TRPM2: variants seen among roughly 807,000 people sequenced by gnomAD.
TRPM2 encodes estrogen-responsive element-associated gene 1 protein.
In TRPM2, 161 loss-of-function variants were observed where a neutral mutation model predicts 174.0. The ratio of observed to expected loss-of-function variants is 0.93; its 90% confidence interval spans 0.81 to 1.05. The LOEUF is 1.05. TRPM2 is among the 50% of genes least tolerant of loss of function. TRPM2 has a pLI of 0.00. For missense variants in TRPM2, 2,057 were observed against 2,038.0 expected (o/e 1.01, Z -0.18); for synonymous variants, 954 against 861.3 (o/e 1.11, Z -1.88).
chr21:44,418,405 G>T lies in TRPM2; in HGVS notation c.3329-18G>T. The T allele has an allele frequency of 6.2e-7, 1 of 1,613,146 alleles. No homozygotes were observed. Among genetic ancestry groups the T allele is most frequent in the Non-Finnish European group, 8.5e-7 (1 of 1,179,384 alleles). On this transcript the variant is annotated intron_variant, in intron 21 of 31. Transcript: ENST00000397928. ...CTGAGGATTCCAGGTCCCCTGGTCT[G>T]TCCGCCCACCCTGACAGAGAACAAG...
At chr21:44,434,957 G>C (rs1182776727) in intron 27 of TRPM2, among the ~76,000 whole-genome samples, 174 bp from the exon 28 acceptor site, 1 of 152,042 alleles carries the variant, frequency 6.6e-6, no homozygotes, top group African/African-American at 2.4e-5. Context: ...CACTCCTTGG[G>C]GGTCCCAAAG....
intron 28 of TRPM2, among the ~76,000 whole-genome samples, chr21:44,436,129 T>C (rs759529570): frequency 9.2e-5 from 14 of 151,980 alleles, no homozygotes; most frequent in Non-Finnish European, 1.8e-4. Flanking sequence ...TCAGGCTCAC[T>C]CCTCTGCACT....
intron 12 of TRPM2, among the ~76,000 whole-genome samples, chr21:44,397,033 A>G (rs1230986047): frequency 6.7e-6 from 1 of 149,342 alleles, no homozygotes; most frequent in Non-Finnish European, 1.5e-5. Flanking sequence ...AGCTCTAGGC[A>G]GGAAAGGAAT....
chr21:44,436,060 C>T (rs1410453881), intron 28 of TRPM2, among the ~76,000 whole-genome samples: 1 of 151,828 alleles, frequency 6.6e-6, no homozygotes, highest in Non-Finnish European at 1.5e-5. Context: ...CAACCCCCAC[C>T]ACAGGCTCAT....
intron 5 of TRPM2, among the ~76,000 whole-genome samples, chr21:44,374,361 A>T (rs1171476668): frequency 2.6e-5 from 4 of 152,146 alleles, no homozygotes; most frequent in African/African-American, 7.2e-5. Context: ...GGCACCAGGA[A>T]CTGGTTTCGT....
intron 19 of TRPM2, among the ~76,000 whole-genome samples, chr21:44,411,594 C>G (rs766174314): frequency 4.7e-4 from 72 of 152,074 alleles, no homozygotes; most frequent in Non-Finnish European, 1.3e-4. Context: ...GCCTAAGTGC[C>G]CTGGCTAGAA....
At chr21:44,436,370 C>T (rs1324676618) in intron 28 of TRPM2, among the ~76,000 whole-genome samples, 1 of 152,090 alleles carries the variant, frequency 6.6e-6, no homozygotes, top group Non-Finnish European at 1.5e-5. Context: ...CCTCTTGCTG[C>T]CCAGCCACTC....
intron 2 of TRPM2, among the ~76,000 whole-genome samples, chr21:44,362,335 T>A (rs181775045): frequency 1.2e-4 from 11 of 95,054 alleles, no homozygotes; most frequent in African/African-American, 5.1e-4. Flanking sequence ...AAACCCCGTC[T>A]CTACTAAAAA....
Position 44,376,904 on chromosome 21 carries a change from G to A in TRPM2, c.953-808G>A, listed in dbSNP as rs150314518. Among the ~76,000 whole-genome samples, 6 of 151,784 alleles carry A rather than the reference G, an allele frequency of 4.0e-5. No homozygotes were observed. The highest frequency in any genetic ancestry group is 1.5e-4 in the African/African-American group (6 of 41,222). On this transcript the variant is annotated intron_variant, in intron 6 of 31. Coordinates refer to ENST00000397928, the MANE Select transcript of TRPM2 (RefSeq NM_003307.4). This position sits in a 1 kb window ranked among gnomAD's most constrained non-coding sequence, Gnocchi z 4.2. ...ATTAGGAGCACGTTCCCTGGTGAGGGCGATGCTGCAGTTCAGGGACCAGGG... is the reference window on the plus strand; with the variant it reads ...ATTAGGAGCACGTTCCCTGGTGAGGACGATGCTGCAGTTCAGGGACCAGGG...
At chr21:44,414,180 G>A (rs2050199630) in intron 20 of TRPM2, 106 bp downstream of exon 20, 2 of 1,412,036 alleles carry the variant, frequency 1.4e-6, no homozygotes, top group Non-Finnish European at 1.9e-6. Flanking sequence ...TGGATGATGG[G>A]CTGGTGCACA....
chr21:44,365,084 G>A (rs2048321696), intron 3 of TRPM2, among the ~76,000 whole-genome samples: 1 of 150,814 alleles, frequency 6.6e-6, no homozygotes, highest in African/African-American at 2.5e-5. Context: ...GTGTTGACCA[G>A]CCTTCTGGAG....
At position 44,400,206 on chromosome 21, in the gene TRPM2, C is replaced by A. The variant is rs544724276; in HGVS notation, c.2209-53C>A. On this transcript the variant is annotated intron_variant, in intron 14 of 31. Transcript: ENST00000397928. ...TCCTCAGCAGACAGCTGACGGGCAC[C>A]ATCTGGGGCACAGGGCTGGGCACTG... The A allele has an allele frequency of 1.6e-3, 2,333 of 1,502,020 alleles. 9 individuals carry two copies. Among genetic ancestry groups the A allele is most frequent in the Middle Eastern group, 3.9e-3 (22 of 5,638 alleles). The allele number at this position is 1,502,020 out of a possible 1,614,324, so 93.0% of individuals were successfully genotyped here.
At chr21:44,378,059 G>A (rs1428204235) in intron 7 of TRPM2, among the ~76,000 whole-genome samples, 1 of 152,196 alleles carries the variant, frequency 6.6e-6, no homozygotes, top group East Asian at 1.9e-4. Flanking sequence ...AGTGAGTGGG[G>A]CGCCTCTGCT....
Position 44,354,849 on chromosome 21 carries a change from C to A in TRPM2, c.254+113C>A, listed in dbSNP as rs953936471. 3.0e-5 allele frequency: 27 copies of A among 892,856 alleles called. No homozygotes were observed. Among genetic ancestry groups the A allele is most frequent in the Admixed American group, 3.0e-4 (16 of 53,992 alleles). The allele number at this position is 892,856 out of a possible 1,614,324, so 55.3% of individuals were successfully genotyped here. On this transcript the variant is annotated intron_variant, in intron 2 of 31. Transcript: ENST00000397928. This position sits in a 1 kb window ranked among gnomAD's most constrained non-coding sequence, Gnocchi z 4.3. ...CCTCAGTGAAGGGTCACTGGAGATA[C>A]CTCTGTCTCCATACGAGGCTTAGAG...
chr21:44,394,844 G>T (rs998024265), intron 11 of TRPM2, among the ~76,000 whole-genome samples: 14 of 151,998 alleles, frequency 9.2e-5, no homozygotes, highest in East Asian at 5.8e-4. Context: ...GTGGGAGATG[G>T]TTTTTTTTCT....
At position 44,400,390 on chromosome 21, in the gene TRPM2, G is replaced by A. The variant is rs371529712; in HGVS notation, c.2321+19G>A. ...CCTTCAGGTGCTGCAGGGCTGCGGG[G>A]CTGCGGGACTGTGGGGCTGCGGGGC... On this transcript the variant is annotated intron_variant, in intron 15 of 31. Coordinates refer to ENST00000397928, the MANE Select transcript of TRPM2 (RefSeq NM_003307.4). 7.5e-6 allele frequency: 12 copies of A among 1,592,024 alleles called. No individual in the cohort carries two copies. In the South Asian group the frequency reaches 1.1e-4, roughly 15 times the overall value.
rs45522631 is a variant in TRPM2 at position 44,414,320 on chromosome 21, G to A, written c.3146+246G>A. On this transcript the variant is annotated intron_variant, in intron 20 of 31. Transcript: ENST00000397928. ...CTGTCCTTGTGGCTGCTGGGGACCCGCGGTGCTGTGGATCCACAAGGGCCC... is the reference window on the plus strand; with the variant it reads ...CTGTCCTTGTGGCTGCTGGGGACCCACGGTGCTGTGGATCCACAAGGGCCC... Among the ~76,000 whole-genome samples, 561 of 152,364 alleles carry A rather than the reference G, an allele frequency of 3.7e-3. 6 individuals carry two copies. The highest frequency in any genetic ancestry group is 0.013 in the African/African-American group (534 of 41,592).
rs1000476372 is a variant in TRPM2 at position 44,435,045 on chromosome 21, C to T, written c.3975-86C>T. On this transcript the variant is annotated intron_variant, in intron 27 of 31. Transcript: ENST00000397928. The stretch of plus-strand genomic sequence containing the variant: ...CCGCTGTGCGCCGGCTCCTGACGCC[C>T]GCTGTCCCCTCTCAGTCCCCCTCCC... The T allele has an allele frequency of 3.1e-5, 42 of 1,376,290 alleles. No individual in the cohort carries two copies. In the Admixed American group the frequency reaches 4.5e-4, roughly 15 times the overall value. 85.3% of individuals were successfully genotyped at this position (1,376,290 alleles called of 1,614,324 possible).
At chr21:44,390,066 G>T (rs1240032216) in intron 9 of TRPM2, among the ~76,000 whole-genome samples, 2 of 151,956 alleles carry the variant, frequency 1.3e-5, no homozygotes. Context: ...TAAAGACAGG[G>T]TTTCGCCGTG....
Sources: gnomAD v4.1 joint callset for allele counts (sites outside exome capture counted in the v4.1 genomes callset) on GRCh38, gnomAD v4.1.1 for gene constraint, Gnocchi (gnomAD v3.1) non-coding constraint, MANE v1.5 for transcripts, NCBI Gene and HGNC (gene_info 2026-07-23, HGNC 2026-07-21) for gene names.